CNBD1: variants seen among roughly 807,000 people sequenced by gnomAD.
The protein encoded by CNBD1 is cyclic nucleotide-binding domain-containing protein 1.
A neutral mutation model predicts 54.4 loss-of-function variants in CNBD1; 71 were observed. The observed-to-expected ratio is 1.30, with a 90% CI of 1.08 to 1.59. CNBD1 has a LOEUF of 1.59. Ranked by LOEUF, CNBD1 falls within the 40% of genes most tolerant of loss-of-function variation. The pLI, the probability that CNBD1 is intolerant of heterozygous loss-of-function variation, is 0.00. For missense variants in CNBD1, 659 were observed against 518.0 expected, an observed-to-expected ratio of 1.27 and a Z score of -2.64; for synonymous variants, 182 against 170.7, an observed-to-expected ratio of 1.07 and a Z score of -0.51.
chr8:87,241,383 G>A (rs1257034575), intron 6 of CNBD1, among the ~76,000 whole-genome samples: 1 of 144,758 alleles, frequency 6.9e-6, no homozygotes, highest in Non-Finnish European at 1.5e-5. Context: ...TCATTCTCCT[G>A]CTTCAGCCTC....
intron 4 of CNBD1, among the ~76,000 whole-genome samples, chr8:87,018,593 A>G (rs1400613773): frequency 1.3e-5 from 2 of 152,158 alleles, no homozygotes; most frequent in East Asian, 3.8e-4. Flanking sequence ...ACAAATTACT[A>G]TTATAGCTGT....
At chr8:86,921,120 T>C (rs575012747) in intron 3 of CNBD1, among the ~76,000 whole-genome samples, 2 of 152,326 alleles carry the variant, frequency 1.3e-5, no homozygotes, top group Non-Finnish European at 2.9e-5. Flanking sequence ...ACTTAATTTC[T>C]TTCTCTAGCA....
intron 2 of CNBD1, among the ~76,000 whole-genome samples, chr8:87,420,996 A>G (rs1331406402): frequency 1.3e-5 from 2 of 152,096 alleles, no homozygotes; most frequent in East Asian, 1.9e-4. Flanking sequence ...GTTGGGAAAG[A>G]TAAAATCAAG....
In CNBD1 at chr8:87,312,682, C is replaced by G. The variant is rs928015205; in HGVS notation, c.1042+26011C>G. Reference sequence around the variant, plus strand: ...ATAATATCATATATTGATTTTTTAGCTTTAATGAAAATAGTATTTCGAGGT... The same window carrying G: ...ATAATATCATATATTGATTTTTTAGGTTTAATGAAAATAGTATTTCGAGGT... On this transcript the variant is annotated intron_variant, in intron 8 of 10. Transcript: ENST00000518476. Among the ~76,000 whole-genome samples the G allele has an allele frequency of 3.9e-5, 6 of 151,960 alleles. No homozygotes were observed. The East Asian group carries it at 9.7e-4, about 24-fold the overall frequency.
At chr8:87,343,324 C>G (rs780828301) in intron 8 of CNBD1, among the ~76,000 whole-genome samples, 1 of 152,142 alleles carries the variant, frequency 6.6e-6, no homozygotes, top group Non-Finnish European at 1.5e-5. Flanking sequence ...ACAGTTAACA[C>G]AATCATCACA....
intron 4 of CNBD1, among the ~76,000 whole-genome samples, chr8:86,959,649 A>G (rs1039552703): frequency 6.6e-5 from 10 of 152,100 alleles, no homozygotes; most frequent in Admixed American, 6.6e-4. Context: ...ATCGGCTACT[A>G]AAGCTTGTGC....
intron 8 of CNBD1, among the ~76,000 whole-genome samples, chr8:87,348,152 G>A (rs1393104036): frequency 3.9e-5 from 6 of 152,082 alleles, no homozygotes; most frequent in Non-Finnish European, 7.4e-5. Context: ...CTCTTTAAAT[G>A]TGCCACAGAA....
chr8:87,031,319 A>T (rs975441726), intron 4 of CNBD1, among the ~76,000 whole-genome samples: 13 of 152,024 alleles, frequency 8.6e-5, no homozygotes, highest in Admixed American at 3.3e-4. Flanking sequence ...AATGTTGCAC[A>T]TAACTCGTGT....
chr8:87,029,394 A>G (rs1398578471), intron 4 of CNBD1, among the ~76,000 whole-genome samples: 10 of 152,210 alleles, frequency 6.6e-5, no homozygotes, highest in Non-Finnish European at 1.5e-4. Flanking sequence ...TAATTTAAAT[A>G]CTGAATATAG....
chr8:87,246,661 A>G (rs545397427), intron 6 of CNBD1, among the ~76,000 whole-genome samples: 1 of 152,174 alleles, frequency 6.6e-6, no homozygotes, highest in African/African-American at 2.4e-5. Flanking sequence ...TGTCCCTTTT[A>G]GAATGCTGAA....
At chr8:87,340,096 G>A (rs1044325384) in intron 8 of CNBD1, among the ~76,000 whole-genome samples, 3 of 152,108 alleles carry the variant, frequency 2.0e-5, no homozygotes, top group Admixed American at 6.6e-5. Context: ...ACCTCGCTTA[G>A]CTTTGTCTGG....
chr8:87,408,005 A>G (rs1287719376), intron 2 of CNBD1, among the ~76,000 whole-genome samples: 1 of 151,882 alleles, frequency 6.6e-6, no homozygotes, highest in East Asian at 1.9e-4. Context: ...TTTTTGTTTT[A>G]TGAATAGTAT....
At chr8:87,011,365 G>A (rs1809218657) in intron 4 of CNBD1, among the ~76,000 whole-genome samples, 2 of 151,994 alleles carry the variant, frequency 1.3e-5, no homozygotes, top group African/African-American at 4.8e-5. Context: ...GACCATTTGG[G>A]TTGCCTCTGT....
At chr8:87,409,144 C>A (rs763312368) in intron 2 of CNBD1, among the ~76,000 whole-genome samples, 1 of 152,058 alleles carries the variant, frequency 6.6e-6, no homozygotes, top group East Asian at 1.9e-4. Flanking sequence ...TAAATAGTAG[C>A]CATGTTTTGA....
intron 8 of CNBD1, among the ~76,000 whole-genome samples, chr8:87,348,783 T>C (rs1388358576): frequency 1.3e-5 from 2 of 152,212 alleles, no homozygotes; most frequent in Non-Finnish European, 2.9e-5. Context: ...ATTCTTCTTA[T>C]CGTAACTTCT....
intron 4 of CNBD1, among the ~76,000 whole-genome samples, chr8:87,201,921 T>A (rs1216661866): frequency 3.3e-5 from 5 of 152,106 alleles, no homozygotes; most frequent in African/African-American, 1.2e-4. Context: ...CCTAGCTAGT[T>A]TTTGTATTTT....
chr8:87,041,929 C>T (rs1810080534), intron 4 of CNBD1, among the ~76,000 whole-genome samples: 1 of 152,094 alleles, frequency 6.6e-6, no homozygotes, highest in African/African-American at 2.4e-5. Context: ...AGCAGGGACA[C>T]CAGGTAGAAG....
intron 10 of CNBD1, among the ~76,000 whole-genome samples, chr8:87,372,812 T>C (rs1428975690): frequency 2.0e-5 from 3 of 151,978 alleles, no homozygotes; most frequent in Admixed American, 1.3e-4. Flanking sequence ...TTTATTTCTG[T>C]ATGTAAACTA....
chr8:87,145,273 G>A (rs1035840807), intron 4 of CNBD1, among the ~76,000 whole-genome samples: 3 of 151,978 alleles, frequency 2.0e-5, no homozygotes, highest in African/African-American at 7.2e-5. Context: ...GAAAACTAAA[G>A]AACAATAGAT....
Sources: allele counts gnomAD v4.1 joint callset (sites outside exome capture counted in the v4.1 genomes callset), GRCh38; gene constraint gnomAD v4.1.1; transcripts MANE v1.5; gene names NCBI Gene and HGNC (gene_info 2026-07-23, HGNC 2026-07-21).